Variants in CRADD observed in about 807,000 individuals in gnomAD.
The protein encoded by CRADD is death domain-containing protein CRADD.
In CRADD, 9 loss-of-function variants were observed where a neutral mutation model predicts 15.5. The ratio of observed to expected loss-of-function variants is 0.58; its 90% CI spans 0.35 to 1.01. The LOEUF is 1.01. CRADD is among the 50% of genes least tolerant of loss of function. The pLI, the probability that CRADD is intolerant of heterozygous loss-of-function variation, is 0.02. For missense variants in CRADD, 227 were observed against 250.3 expected, an observed-to-expected ratio of 0.91 and a Z score of 0.63; for synonymous variants, 118 against 107.6, an observed-to-expected ratio of 1.10 and a Z score of -0.60.
intron 2 of CRADD, among the ~76,000 whole-genome samples, chr12:93,832,835 A>G (rs1957924913): frequency 6.6e-6 from 1 of 152,232 alleles, no homozygotes; most frequent in Non-Finnish European, 1.5e-5. Flanking sequence ...GGAATCTTAA[A>G]TGTCTTTTGC....
chr12:93,778,724 T>TTGG, intron 2 of CRADD, among the ~76,000 whole-genome samples: 1 of 130,080 alleles, frequency 7.7e-6, no homozygotes, highest in Non-Finnish European at 1.6e-5. Flanking sequence ...TTTTGGTTGG[T>TTGG]TTTTTTTTTT....
chr12:93,812,289 C>T (rs1251947527), intron 2 of CRADD, among the ~76,000 whole-genome samples: 2 of 151,954 alleles, frequency 1.3e-5, no homozygotes, highest in East Asian at 1.9e-4. Flanking sequence ...GTGTTGTACA[C>T]GAAGAAGGAA....
chr12:93,826,836 G>A (rs1373483591), intron 2 of CRADD: 2 of 152,198 alleles, frequency 1.3e-5, no homozygotes, highest in African/African-American at 4.8e-5. Flanking sequence ...GCAAGCAAGT[G>A]TTAGGTTGAG....
intron 2 of CRADD, among the ~76,000 whole-genome samples, chr12:93,686,181 A>T (rs1467789896): frequency 6.6e-6 from 1 of 151,312 alleles, no homozygotes; most frequent in African/African-American, 2.4e-5. Flanking sequence ...GGCACCTGTA[A>T]TCCTAGCTAG....
At chr12:93,735,101 G>A (rs542494183) in intron 2 of CRADD, among the ~76,000 whole-genome samples, 129 of 152,242 alleles carry the variant, frequency 8.5e-4, no homozygotes, top group Non-Finnish European at 1.5e-3. Flanking sequence ...CTGTTTCCCT[G>A]GCTAGCACTG....
chr12:93,812,283 T>G (rs994691544), intron 2 of CRADD, among the ~76,000 whole-genome samples: 7 of 152,180 alleles, frequency 4.6e-5, no homozygotes, highest in Non-Finnish European at 1.0e-4. Context: ...TTCTTTGTGT[T>G]GTACACGAAG....
intron 2 of CRADD, among the ~76,000 whole-genome samples, chr12:93,786,250 T>A (rs897204677): frequency 5.3e-5 from 8 of 152,212 alleles, no homozygotes; most frequent in Admixed American, 6.5e-5. Flanking sequence ...AGTTGAGAGA[T>A]GAAGGACAGA....
chr12:93,847,498 G>GAAAAAAAAAAAAAAAAA, intron 2 of CRADD, among the ~76,000 whole-genome samples: 1 of 62,934 alleles, frequency 1.6e-5, no homozygotes, highest in Non-Finnish European at 2.9e-5. Context: ...AGCATTGCTT[G>GAAAAAAAAAAAAAAAAA]AAAAAAAAAA....
chr12:93,827,205 T>C (rs2137025459), intron 2 of CRADD, among the ~76,000 whole-genome samples: 1 of 152,312 alleles, frequency 6.6e-6, no homozygotes, highest in South Asian at 2.1e-4. Flanking sequence ...TTTTCTCATG[T>C]CCCTCTATAA....
chr12:93,763,241 T>G (rs1317643433), intron 2 of CRADD, among the ~76,000 whole-genome samples: 1 of 152,266 alleles, frequency 6.6e-6, no homozygotes, highest in East Asian at 1.9e-4. Context: ...CCTCTGGATC[T>G]AAAGCTCTTG....
chr12:93,756,089 CCCCTTACTTT>C (rs1360595044), intron 2 of CRADD, among the ~76,000 whole-genome samples: 1 of 152,142 alleles, frequency 6.6e-6, no homozygotes, highest in Non-Finnish European at 1.5e-5. Flanking sequence ...ATCCTTGATT[CCCCTTACTTT>C]GTTGCACTTT....
rs566888944 is a variant in CRADD at position 93,811,052 on chromosome 12, C to A, written c.299-38918C>A. On this transcript the variant is annotated intron_variant, in intron 2 of 2. Coordinates refer to ENST00000332896, the MANE Select transcript of CRADD (RefSeq NM_003805.5). ...GGATGTCAGTGACTTTTCCCTTAGC[C>A]CCCCCTCCTGGAACAGCCGGCTGCT... Among the ~76,000 whole-genome samples the A allele has an allele frequency of 6.4e-3, 168 of 26,382 alleles. 2 individuals are homozygous for A. The highest frequency in any genetic ancestry group is 5.0e-3 in the Non-Finnish European group (63 of 12,530). The allele number at this position is 26,382 out of a possible 152,430, so 17.3% of individuals were successfully genotyped here.
intron 2 of CRADD, among the ~76,000 whole-genome samples, chr12:93,790,074 A>G (rs1239527878): frequency 1.3e-5 from 2 of 152,158 alleles, no homozygotes; most frequent in African/African-American, 2.4e-5. Flanking sequence ...GTCACTTAGT[A>G]CAGTTTTTTA....
intron 2 of CRADD, among the ~76,000 whole-genome samples, chr12:93,869,340 C>A (rs1958398674): frequency 6.6e-6 from 1 of 152,140 alleles, no homozygotes; most frequent in African/African-American, 2.4e-5. Flanking sequence ...TTTAGAGTTT[C>A]TACATTGTCC....
chr12:93,753,596 A>T (rs1011133385), intron 2 of CRADD, among the ~76,000 whole-genome samples: 2 of 152,206 alleles, frequency 1.3e-5, no homozygotes, highest in African/African-American at 2.4e-5. Flanking sequence ...CTCATCCCAA[A>T]TGGGAGAAAT....
intron 2 of CRADD, among the ~76,000 whole-genome samples, chr12:93,867,405 T>TATATAGATATATATATATATATATATATA (rs1207739624): frequency 9.8e-6 from 1 of 102,072 alleles, no homozygotes; most frequent in Non-Finnish European, 2.3e-5. Flanking sequence ...ATATATATAT[T>TATATAGATATATATATATATATATATATA]TTTTAAACTT....
chr12:93,738,837 AAG>A (rs66976655), intron 2 of CRADD, among the ~76,000 whole-genome samples: 52,392 of 151,786 alleles, frequency 0.35, 10,696 homozygotes, highest in East Asian at 0.61. Flanking sequence ...GAAAGAAGGA[AAG>A]AGAGGGAGAG....
chr12:93,742,670 A>T (rs1956692432), intron 2 of CRADD, among the ~76,000 whole-genome samples: 1 of 152,204 alleles, frequency 6.6e-6, no homozygotes. Context: ...TCTTGCATAA[A>T]CAAACACGTT....
At chr12:93,890,617 GA>G (rs1385222947) in intron 2 of CRADD, among the ~76,000 whole-genome samples, 2 of 152,172 alleles carry the variant, frequency 1.3e-5, no homozygotes, top group Admixed American at 6.5e-5. Flanking sequence ...CATGGGTGGA[GA>G]CTGGCCCTGC....
Sources: gnomAD v4.1 joint callset for allele counts (sites outside exome capture counted in the v4.1 genomes callset) on GRCh38, gnomAD v4.1.1 for gene constraint, MANE v1.5 for transcripts, NCBI Gene and HGNC (gene_info 2026-07-23, HGNC 2026-07-21) for gene names.